CYLC2: variants seen among roughly 807,000 people sequenced by gnomAD.
CYLC2 encodes cylicin-2.
In CYLC2, 30 loss-of-function variants were observed where a neutral mutation model predicts 26.1. That is an observed-to-expected ratio of 1.15 (90% CI 0.86 to 1.56). The LOEUF (loss-of-function observed/expected upper bound fraction) is 1.56. Ranked by LOEUF, CYLC2 falls within the 40% of genes most tolerant of loss-of-function variation. The pLI is 0.00. For synonymous variants in CYLC2, 158 were observed against 132.8 expected (o/e 1.19, Z -1.31); for missense variants, 498 against 394.4 (o/e 1.26, Z -2.23).
intron 6 of CYLC2, among the ~76,000 whole-genome samples, chr9:103,014,370 CATTATGTATATTACGTAATATAACATA>C: frequency 7.5e-6 from 1 of 132,750 alleles, no homozygotes; most frequent in Non-Finnish European, 1.6e-5. Flanking sequence ...ACATAATATA[CATTATGTATATTACGTAATATAACATA>C]ATGTATGTTA....
chr9:103,015,406 ATAT>A (rs1829491691), intron 6 of CYLC2, among the ~76,000 whole-genome samples: 1 of 134,976 alleles, frequency 7.4e-6, no homozygotes, highest in African/African-American at 2.7e-5. Context: ...TATGCTTATT[ATAT>A]ATTATATATT....
At chr9:103,012,853 G>A (rs913645531) in intron 6 of CYLC2, among the ~76,000 whole-genome samples, 3 of 151,166 alleles carry the variant, frequency 2.0e-5, no homozygotes, top group Non-Finnish European at 3.0e-5. Flanking sequence ...GCAGTTTTAC[G>A]GTAGGCAAAA....
intron 6 of CYLC2, among the ~76,000 whole-genome samples, chr9:103,013,137 T>A (rs1829427045): frequency 8.1e-6 from 1 of 124,180 alleles, no homozygotes; most frequent in Non-Finnish European, 1.6e-5. Flanking sequence ...ATATATCATA[T>A]AAATATATCA....
Position 103,003,235 on chromosome 9 carries a change from C to T in CYLC2, c.152C>T (p.Pro51Leu), listed in dbSNP as rs1829305964. Residue 51 changes from proline to leucine, a missense_variant, in exon 3 of 8, where the codon CCT becomes CTT. Pro to Leu is a moderately conservative substitution (Grantham distance 98, BLOSUM62 -3). Transcript: ENST00000374798. ...CCAGGAACCAAAAGGAGATCAAAAC[C>T]TTCTCAAATACGGGACAACACGGTT... is the stretch of plus-strand genomic sequence containing the variant. Reference protein sequence around the residue: ...QRPGTKRRSKPSQIRDNTVSI... With the variant: ...QRPGTKRRSKLSQIRDNTVSI... 2 of 1,613,720 alleles carry T rather than the reference C, an allele frequency of 1.2e-6. No homozygotes were observed. The highest frequency in any genetic ancestry group is 1.7e-6 in the Non-Finnish European group (2 of 1,179,830).
At chr9:103,014,142 A>ATATATTATTTAATATATAATATG (rs1217645863) in intron 6 of CYLC2, among the ~76,000 whole-genome samples, 1 of 121,216 alleles carries the variant, frequency 8.2e-6, no homozygotes, top group East Asian at 2.4e-4. Context: ...AATATATTAA[A>ATATATTATTTAATATATAATATG]TATATTATTT....
chr9:103,010,667 T>C (rs1829397308), intron 5 of CYLC2: 1 of 152,100 alleles, frequency 6.6e-6, no homozygotes, highest in Admixed American at 6.5e-5. Flanking sequence ...ATAGTTATGT[T>C]AAAATTACAT....
intron 6 of CYLC2, among the ~76,000 whole-genome samples, chr9:103,013,714 A>G (rs1490677948): frequency 8.9e-6 from 1 of 112,064 alleles, no homozygotes; most frequent in African/African-American, 3.7e-5. Flanking sequence ...TATATATTAT[A>G]TATATTATGC....
At chr9:103,015,014 T>C (rs964916185) in intron 6 of CYLC2, among the ~76,000 whole-genome samples, 1 of 117,374 alleles carries the variant, frequency 8.5e-6, no homozygotes, top group Non-Finnish European at 1.8e-5. Flanking sequence ...ATGTATATTA[T>C]GTAGTATACA....
intron 6 of CYLC2, among the ~76,000 whole-genome samples, chr9:103,015,062 T>C (rs1250803216): frequency 4.1e-5 from 4 of 96,470 alleles, no homozygotes; most frequent in Non-Finnish European, 8.6e-5. Flanking sequence ...TATTATGTAG[T>C]ATACATAATA....
chr9:103,013,554 A>C (rs1829442603), intron 6 of CYLC2, among the ~76,000 whole-genome samples: 1 of 113,222 alleles, frequency 8.8e-6, no homozygotes, highest in Non-Finnish European at 1.6e-5. Flanking sequence ...TATTAAAATT[A>C]ATATATGTAT....
chr9:103,003,081 A>G, intron 2 of CYLC2, 61 bp from the exon 3 acceptor site: 3 of 1,591,376 alleles, frequency 1.9e-6, no homozygotes, highest in Non-Finnish European at 2.6e-6. Flanking sequence ...ACGTAATGCC[A>G]TTTCAGCTCT....
At chr9:102,998,812 C>G (rs1829261293) in intron 1 of CYLC2, among the ~76,000 whole-genome samples, 1 of 151,864 alleles carries the variant, frequency 6.6e-6, no homozygotes, top group African/African-American at 2.4e-5. Context: ...TTCAGTTACC[C>G]TATAGAGTCT....
chr9:102,999,536 C>A (rs1829268231), intron 1 of CYLC2, among the ~76,000 whole-genome samples: 1 of 151,130 alleles, frequency 6.6e-6, no homozygotes, highest in South Asian at 2.1e-4. Context: ...TTTATCTTTG[C>A]CTTGTTTCTG....
Position 103,005,063 on chromosome 9 carries a change from C to G in CYLC2, c.432C>G (p.Gly144=). The change falls in exon 5 of 8, where the codon GGC becomes GGG. Residue 144 remains glycine (G), a synonymous_variant. Coordinates refer to ENST00000374798, the MANE Select transcript of CYLC2 (RefSeq NM_001340.5). ...LKQGKKDSKK[G]KDIEKGKEEK... ...AAGGAAAAAAAGATTCAAAGAAAGG[C>G]AAGGATATAGAGAAAGGAAAAGAAG... The G allele has an allele frequency of 6.2e-7, 1 of 1,601,244 alleles. No homozygotes were observed. Among genetic ancestry groups the G allele is most frequent in the Non-Finnish European group, 8.5e-7 (1 of 1,176,312 alleles).
intron 1 of CYLC2, among the ~76,000 whole-genome samples, chr9:103,001,169 C>G (rs1829284686): frequency 6.6e-6 from 1 of 151,580 alleles, no homozygotes; most frequent in Non-Finnish European, 1.5e-5. Flanking sequence ...CAAAGTGATA[C>G]CTTGTTTCAA....
intron 5 of CYLC2, among the ~76,000 whole-genome samples, chr9:103,008,670 T>C (rs1268994015): frequency 6.6e-6 from 1 of 152,278 alleles, no homozygotes; most frequent in East Asian, 1.9e-4. Context: ...TACTCTTTTT[T>C]CTTCACCCTG....
chr9:103,009,380 A>G (rs1214151763), intron 5 of CYLC2, among the ~76,000 whole-genome samples: 1 of 151,732 alleles, frequency 6.6e-6, no homozygotes, highest in African/African-American at 2.4e-5. Flanking sequence ...TAATTTTTGT[A>G]TTTTGTAGAG....
chr9:103,015,105 TATACATAAC>T (rs1829482959), intron 6 of CYLC2, among the ~76,000 whole-genome samples: 2 of 70,398 alleles, frequency 2.8e-5, no homozygotes, highest in African/African-American at 1.1e-4. Context: ...TATCACGTGA[TATACATAAC>T]ATGTATATCA....
chr9:103,003,276 A>G lies in CYLC2; in HGVS notation c.180+13A>G. ...CAACACGGTTTCTGTAAGCATTGGA[A>G]AGATTTTATAATTATCAGTAATAAG... is the stretch of plus-strand genomic sequence containing the variant. On this transcript the variant is annotated intron_variant, in intron 3 of 7. Coordinates refer to ENST00000374798, the MANE Select transcript of CYLC2 (RefSeq NM_001340.5). 1.2e-6 allele frequency: 2 copies of G among 1,600,058 alleles called. No individual in the cohort carries two copies. Among genetic ancestry groups the G allele is most frequent in the Non-Finnish European group, 8.5e-7 (1 of 1,171,676 alleles).
Sources: gnomAD v4.1 joint callset for allele counts (sites outside exome capture counted in the v4.1 genomes callset) on GRCh38, gnomAD v4.1.1 for gene constraint, MANE v1.5 for transcripts, NCBI Gene and HGNC (gene_info 2026-07-23, HGNC 2026-07-21) for gene names.